Variants in BLTP1 observed in about 807,000 individuals in gnomAD.
The protein encoded by BLTP1 is bridge-like lipid transfer protein family member 1.
At chr4:122,194,250 T>A in the BLTP1 span, among the ~76,000 whole-genome samples, 4 of 152,204 alleles carry the variant, frequency 2.6e-5, no homozygotes, top group East Asian at 7.7e-4. Context: ...TATATAGGAA[T>A]ACCTGCCTCA....
At chr4:122,155,398 A>G in the BLTP1 span, among the ~76,000 whole-genome samples, 1 of 148,292 alleles carries the variant, frequency 6.7e-6, no homozygotes, top group African/African-American at 2.5e-5. Context: ...ATCTCTTCTC[A>G]CTGCAACCTC....
the BLTP1 span, chr4:122,306,516 A>G: frequency 7.2e-6 from 7 of 972,098 alleles, no homozygotes; most frequent in Admixed American, 1.8e-4. Context: ...GGAATTCTCT[A>G]CCTTTGCCTA....
At chr4:122,162,493 A>T in the BLTP1 span, 3 of 985,182 alleles carry the variant, frequency 3.0e-6, no homozygotes, top group Non-Finnish European at 3.6e-6. Flanking sequence ...GAATTGGGAA[A>T]ATTGTAATCA....
the BLTP1 span, among the ~76,000 whole-genome samples, chr4:122,345,733 C>T: frequency 6.6e-6 from 1 of 151,708 alleles, no homozygotes; most frequent in Non-Finnish European, 1.5e-5. Flanking sequence ...GCCTGAAAGA[C>T]AGGAAAGAAA....
the BLTP1 span, chr4:122,207,572 C>T: frequency 6.6e-7 from 1 of 1,516,946 alleles, no homozygotes; most frequent in Non-Finnish European, 8.9e-7. Context: ...AAACACTAAA[C>T]ATTGATTTTT....
chr4:122,357,784 T>A, the BLTP1 span, among the ~76,000 whole-genome samples: 1 of 152,236 alleles, frequency 6.6e-6, no homozygotes, highest in East Asian at 1.9e-4. Context: ...TAACTTGGAA[T>A]AAATGTAATT....
the BLTP1 span, among the ~76,000 whole-genome samples, chr4:122,195,011 C>T: frequency 1.3e-5 from 2 of 152,144 alleles, no homozygotes; most frequent in African/African-American, 2.4e-5. Context: ...CTTATGCAGC[C>T]GTTTCCTCTT....
the BLTP1 span, among the ~76,000 whole-genome samples, chr4:122,290,403 T>A: frequency 6.6e-6 from 1 of 152,196 alleles, no homozygotes; most frequent in South Asian, 2.1e-4. Context: ...AATCACATTA[T>A]GACATTTTTT....
At chr4:122,284,530 A>T in the BLTP1 span, among the ~76,000 whole-genome samples, 1 of 152,148 alleles carries the variant, frequency 6.6e-6, no homozygotes, top group South Asian at 2.1e-4. Flanking sequence ...AACATAATTT[A>T]AAAATATATA....
the BLTP1 span, chr4:122,209,445 G>A: frequency 9.1e-7 from 1 of 1,097,242 alleles, no homozygotes; most frequent in Non-Finnish European, 1.3e-6. Flanking sequence ...AGGAGTTCGA[G>A]ACCAGCCTGG....
At chr4:122,282,502 C>T in the BLTP1 span, among the ~76,000 whole-genome samples, 1 of 152,062 alleles carries the variant, frequency 6.6e-6, no homozygotes, top group Non-Finnish European at 1.5e-5. Flanking sequence ...ATTAGCTGGG[C>T]ATGATGGCAG....
At chr4:122,355,574 TATATAA>T in the BLTP1 span, among the ~76,000 whole-genome samples, 5 of 148,528 alleles carry the variant, frequency 3.4e-5, no homozygotes, top group East Asian at 1.9e-4. Flanking sequence ...CATATGTATA[TATATAA>T]ATATATGTAT....
chr4:122,334,523 C>T, the BLTP1 span: 1 of 1,612,624 alleles, frequency 6.2e-7, no homozygotes, highest in South Asian at 1.1e-5. Context: ...TACTTCCTCC[C>T]CAGCCCCCAC....
chr4:122,155,035 A>C, the BLTP1 span: 2 of 614,308 alleles, frequency 3.3e-6, no homozygotes, highest in Non-Finnish European at 4.1e-6. Flanking sequence ...TCATTTCATA[A>C]CTAGCTATTG....
chr4:122,345,657 A>G, the BLTP1 span, among the ~76,000 whole-genome samples: 1 of 152,208 alleles, frequency 6.6e-6, no homozygotes, highest in South Asian at 2.1e-4. Flanking sequence ...GGCACTGAGA[A>G]GCCATTAGAA....
At chr4:122,170,556 G>A in the BLTP1 span, 1 of 1,415,004 alleles carries the variant, frequency 7.1e-7, no homozygotes. Context: ...TTCCCTTAAT[G>A]ATTTCTGTTG....
the BLTP1 span, chr4:122,170,166 C>T: frequency 2.5e-4 from 75 of 305,670 alleles, no homozygotes; most frequent in African/African-American, 1.6e-3. Flanking sequence ...ATTAGCCAGG[C>T]GTGGTGACGC....
the BLTP1 span, chr4:122,179,899 A>C: frequency 1.0e-6 from 1 of 985,130 alleles, no homozygotes; most frequent in East Asian, 1.1e-4. Context: ...ACATACAGAC[A>C]GGGGTACCAT....
the BLTP1 span, chr4:122,346,774 G>A: frequency 2.5e-6 from 4 of 1,605,830 alleles, no homozygotes; most frequent in Non-Finnish European, 3.4e-6. Context: ...AGCTTGTTAT[G>A]TAATTTTAAT....
Sources: allele counts gnomAD v4.1 joint callset (sites outside exome capture counted in the v4.1 genomes callset), GRCh38; gene constraint gnomAD v4.1.1; transcripts MANE v1.5; gene names NCBI Gene and HGNC (gene_info 2026-07-23, HGNC 2026-07-21).